MIER2: variants seen among roughly 807,000 people sequenced by gnomAD.
MIER2 encodes mesoderm induction early response protein 2.
Under a neutral mutation model 67.6 loss-of-function variants are expected in MIER2, and 30 were observed. The observed-to-expected ratio is 0.44, with a 90% CI of 0.33 to 0.60. The LOEUF (loss-of-function observed/expected upper bound fraction) is 0.60. Ranked by LOEUF, MIER2 falls within the 20% of genes least tolerant of loss-of-function variation. MIER2 has a pLI of 0.02. For synonymous variants in MIER2, 372 were observed against 312.6 expected (o/e 1.19, Z -2.00); for missense variants, 702 against 745.1 (o/e 0.94, Z 0.67).
In MIER2 at chr19:326,580, T is replaced by C. The variant is rs780563500; in HGVS notation, c.512A>G (p.Glu171Gly). Residue 171 changes from glutamate (E) to glycine (G), a missense_variant, in exon 6 of 14, where the codon GAA becomes GGA. Coordinates refer to ENST00000264819, the MANE Select transcript of MIER2 (RefSeq NM_017550.3). ...NRSGSRFLAD[E>G]DREPGSSASS... ...GGCAGAAGAGCCAGGCTCTCTGTCT[T>C]CATCAGCCAGGAAACGAGCTTTGGG... is the stretch of plus-strand genomic sequence containing the variant. 4.3e-6 allele frequency: 7 copies of C among 1,613,924 alleles called. No individual in the cohort carries two copies. In the South Asian group the frequency reaches 7.7e-5, roughly 18 times the overall value.
At chr19:306,890 G>C (rs1306740498) in intron 13 of MIER2, among the ~76,000 whole-genome samples, 179 bp from the exon 14 acceptor site, 1 of 152,198 alleles carries the variant, frequency 6.6e-6, no homozygotes, top group African/African-American at 2.4e-5. Context: ...GGGACAGCCT[G>C]GCACCTGCTC....
At chr19:329,866 CAAAAA>C (rs36067469) in intron 3 of MIER2, among the ~76,000 whole-genome samples, 2 of 94,792 alleles carry the variant, frequency 2.1e-5, no homozygotes, top group Non-Finnish European at 2.1e-5. Flanking sequence ...TACTCCGTCT[CAAAAA>C]AAAAAAAAAA....
At position 308,672 on chromosome 19, in the gene MIER2, G is replaced by C. The variant is rs375662133; in HGVS notation, c.1110-7C>G. 5.6e-6 allele frequency: 9 copies of C among 1,600,648 alleles called. No homozygotes were observed. In the South Asian group the frequency reaches 1.0e-4, roughly 18 times the overall value. ...CAGGTCCTGGTCTGCGTCCCTGTGG[G>C]GAGAGGGCGCCATGAGGGGCGGCAG... On this transcript the variant is annotated splice_polypyrimidine_tract_variant and splice_region_variant and intron_variant, in intron 11 of 13. Transcript: ENST00000264819. The surrounding 1 kb of genome is among the most constrained non-coding windows in gnomAD (Gnocchi z 9.1).
intron 3 of MIER2, among the ~76,000 whole-genome samples, chr19:333,024 G>A (rs1224274358): frequency 3.5e-5 from 2 of 56,370 alleles, no homozygotes; most frequent in South Asian, 7.9e-4. Context: ...ACGGAGTCTC[G>A]CTGTGTCACC....
In MIER2 at chr19:306,470, C is replaced by A. The variant is rs1970653882; in HGVS notation, c.*220G>T. The A allele has an allele frequency of 1.5e-6, 1 of 651,396 alleles. No homozygotes were observed. Among genetic ancestry groups the A allele is most frequent in the South Asian group, 2.0e-5 (1 of 51,274 alleles). The allele number at this position is 651,396 out of a possible 1,614,324, so 40.4% of individuals were successfully genotyped here. On this transcript the variant is annotated 3_prime_UTR_variant, in exon 14 of 14. Transcript: ENST00000264819. ...CCCGGACCCGGGTGGCAGTGCCGGG[C>A]GCTGACGGCGCTGGGTGGGGCCGTG...
chr19:319,006 G>C (rs932254210), intron 7 of MIER2, among the ~76,000 whole-genome samples: 1 of 145,940 alleles, frequency 6.9e-6, no homozygotes, highest in African/African-American at 2.6e-5. Flanking sequence ...GCAGTGAACA[G>C]AGTTCACGCC....
At chr19:306,736 C>T (rs749542521) in intron 13 of MIER2, 25 bp from the exon 14 acceptor site, 77 of 1,557,256 alleles carry the variant, frequency 4.9e-5, no homozygotes, top group Non-Finnish European at 5.6e-5. Context: ...CCAAGAGAGA[C>T]GCAGAGAGTG....
In MIER2 at chr19:326,525, A is replaced by C. The variant is rs1413170493; in HGVS notation, c.567T>G (p.Pro189=). 6.2e-7 allele frequency: 1 copy of C among 1,613,976 alleles called. No individual in the cohort carries two copies. The highest frequency in any genetic ancestry group is 1.7e-5 in the Admixed American group (1 of 60,002). Residue 189 remains proline (P), a synonymous_variant, in exon 6 of 14, where the codon CCT becomes CCG. Coordinates refer to ENST00000264819, the MANE Select transcript of MIER2 (RefSeq NM_017550.3). ...ASSDTEEDSL[P]ANKCKKEIMV... ...CACGTACCTTCTTACATTTGTTGGC[A>C]GGAAGAGAGTCCTCCTCGGTGTCGG...
At position 307,399 on chromosome 19, in the gene MIER2, G is replaced by A; in HGVS notation, c.1336C>T (p.Pro446Ser). 6.2e-7 allele frequency: 1 copy of A among 1,607,490 alleles called. No homozygotes were observed. The highest frequency in any genetic ancestry group is 8.5e-7 in the Non-Finnish European group (1 of 1,178,208). Residue 446 changes from proline to serine, a missense_variant, in exon 13 of 14, where the codon CCC becomes TCC. Physicochemically the swap from Pro to Ser is moderately conservative, Grantham distance 74 (BLOSUM62 -1). Coordinates refer to ENST00000264819, the MANE Select transcript of MIER2 (RefSeq NM_017550.3). ...GAGGCTGGGTCGGCCAGGGCTGGGG[G>A]CCGATGGGACAGGGGTACAGCGGGG... is the stretch of plus-strand genomic sequence containing the variant. The part of the protein sequence containing the change: ...ESPAVPLSHR[P>S]PALADPASYQ...
chr19:308,991 C>A lies in MIER2; in HGVS notation c.985-66G>T. On this transcript the variant is annotated intron_variant, in intron 10 of 13. Coordinates refer to ENST00000264819, the MANE Select transcript of MIER2 (RefSeq NM_017550.3). The surrounding 1 kb of genome is among the most constrained non-coding windows in gnomAD (Gnocchi z 9.1). ...CCAGCCCCAGCACCTGCACCACGAT[C>A]CCAGGACGTCCTGGGACCCCGGGAC... is the stretch of plus-strand genomic sequence containing the variant. 1.3e-6 allele frequency: 2 copies of A among 1,558,376 alleles called. No homozygotes were observed. Among genetic ancestry groups the A allele is most frequent in the Non-Finnish European group, 1.7e-6 (2 of 1,147,768 alleles).
At chr19:313,389 C>G in intron 8 of MIER2, 103 bp downstream of exon 8, 1 of 1,521,484 alleles carries the variant, frequency 6.6e-7, no homozygotes, top group Non-Finnish European at 8.8e-7. Flanking sequence ...TGACCCCTGC[C>G]CTCCCCTCTG....
At position 342,310 on chromosome 19, in the gene MIER2, T is replaced by C. The variant is rs11084966; in HGVS notation, c.9+2464A>G. The stretch of plus-strand genomic sequence containing the variant: ...GTTTTGGACACAGACAACAAACAAG[T>C]GGACATGTATGGTACCGAGAAGAGA... On this transcript the variant is annotated intron_variant, in intron 1 of 13. Transcript: ENST00000264819. 5.9e-5 allele frequency among the ~76,000 whole-genome samples: 9 copies of C among 152,066 alleles called. No individual in the cohort carries two copies. The South Asian group carries it at 1.0e-3, about 18-fold the overall frequency.
chr19:342,819 G>T (rs1033781687), intron 1 of MIER2, among the ~76,000 whole-genome samples: 1 of 152,042 alleles, frequency 6.6e-6, no homozygotes, highest in East Asian at 1.9e-4. Context: ...GACCTCATCA[G>T]ACCTCCTAGC....
intron 1 of MIER2, among the ~76,000 whole-genome samples, chr19:336,542 G>A (rs112068145): frequency 6.6e-6 from 1 of 152,322 alleles, no homozygotes; most frequent in East Asian, 1.9e-4. Flanking sequence ...CCACAGCGTA[G>A]GGTCCACTGA....
At chr19:318,526 G>C (rs1052967170) in intron 7 of MIER2, among the ~76,000 whole-genome samples, 1 of 152,150 alleles carries the variant, frequency 6.6e-6, no homozygotes, top group African/African-American at 2.4e-5. Flanking sequence ...TCAGTAAATA[G>C]AACAAGCAGC....
intron 7 of MIER2, among the ~76,000 whole-genome samples, chr19:318,765 A>G (rs2145415503): frequency 6.6e-6 from 1 of 152,312 alleles, no homozygotes; most frequent in African/African-American, 2.4e-5. Flanking sequence ...ATTAAAAATC[A>G]GTAAAAGGAG....
chr19:308,021 G>A lies in MIER2; in HGVS notation c.1199-485C>T, dbSNP rs944199402. 3.9e-5 allele frequency among the ~76,000 whole-genome samples: 6 copies of A among 152,134 alleles called. No individual in the cohort carries two copies. The highest frequency in any genetic ancestry group is 8.8e-5 in the Non-Finnish European group (6 of 68,020). On this transcript the variant is annotated intron_variant, in intron 12 of 13. Coordinates refer to ENST00000264819, the MANE Select transcript of MIER2 (RefSeq NM_017550.3). The surrounding 1 kb of genome is among the most constrained non-coding windows in gnomAD (Gnocchi z 9.1). ...ATGGAAACAACCAGACTCTGGAAATGGGGGACCCTCCCAGACTCAACCATC... is the reference window on the plus strand; with the variant it reads ...ATGGAAACAACCAGACTCTGGAAATAGGGGACCCTCCCAGACTCAACCATC...
chr19:337,300 A>C (rs970603149), intron 1 of MIER2, among the ~76,000 whole-genome samples: 1 of 152,216 alleles, frequency 6.6e-6, no homozygotes, highest in Non-Finnish European at 1.5e-5. Flanking sequence ...ATAATACATC[A>C]CATCAATAAA....
chr19:332,325 C>G (rs1304041324), intron 3 of MIER2, among the ~76,000 whole-genome samples: 2 of 151,694 alleles, frequency 1.3e-5, no homozygotes, highest in South Asian at 2.1e-4. Flanking sequence ...TTTTTTGAGA[C>G]ACAGTCTTGC....
Sources: allele counts gnomAD v4.1 joint callset (sites outside exome capture counted in the v4.1 genomes callset), GRCh38; gene constraint gnomAD v4.1.1; non-coding constraint Gnocchi (gnomAD v3.1); transcripts MANE v1.5; gene names NCBI Gene and HGNC (gene_info 2026-07-23, HGNC 2026-07-21).